The following ANK2 variants were observed in gnomAD, a reference collection of about 807,000 sequenced individuals.
ANK2 encodes the protein ankyrin 2, also known as ankyrin-2.
In ANK2, 83 loss-of-function variants were observed where a neutral mutation model predicts 360.5. That is an observed-to-expected ratio of 0.23 (90% CI 0.19 to 0.28). ANK2 has a LOEUF of 0.28. ANK2 is among the 10% of genes least tolerant of loss of function. The pLI is 1.00. For missense variants in ANK2, 4,201 were observed against 4,795.7 expected, an observed-to-expected ratio of 0.88 and a Z score of 3.66; for synonymous variants, 1,740 against 1,759.5, an observed-to-expected ratio of 0.99 and a Z score of 0.28.
chr4:113,265,779 T>C (rs745505654), intron 14 of ANK2, among the ~76,000 whole-genome samples: 42 of 152,328 alleles, frequency 2.8e-4, no homozygotes, highest in Middle Eastern at 3.4e-3. Context: ...ACTGACATCA[T>C]TGAGATTCTC....
Position 113,358,298 on chromosome 4 carries a change from C to T in ANK2, c.9680C>T (p.Thr3227Ile), listed in dbSNP as rs1280116634. ...AGTGTAGGGACCAAGGACCTCCCCA[C>T]CGTGCAAACGGGTGATATACCTCCT... is the stretch of plus-strand genomic sequence containing the variant. ...AVSVGTKDLP[T>I]VQTGDIPPLS... Residue 3227 changes from threonine (T) to isoleucine (I), a missense_variant, in exon 38 of 46, where the codon ACC becomes ATC. By Grantham distance (89) the Thr-to-Ile change is moderately conservative. Transcript: ENST00000357077. The T allele has an allele frequency of 1.9e-6, 3 of 1,613,516 alleles. No individual in the cohort carries two copies. The highest frequency in any genetic ancestry group is 2.5e-6 in the Non-Finnish European group (3 of 1,179,632).
In ANK2 at chr4:113,058,896, T is replaced by A. The variant is rs76537449; in HGVS notation, c.84+9084T>A. Among the ~76,000 whole-genome samples the A allele has an allele frequency of 2.4e-3, 364 of 152,248 alleles. 2 individuals carry two copies. Among genetic ancestry groups the A allele is most frequent in the African/African-American group, 8.0e-3 (332 of 41,556 alleles). On this transcript the variant is annotated intron_variant, in intron 1 of 45. Transcript: ENST00000357077. The stretch of plus-strand genomic sequence containing the variant: ...TAACAAAGTACCTTAGAGTGAGTAG[T>A]TTAAAAACAACAGAAATTTATTTCT...
chr4:113,186,249 C>A (rs1375382037), intron 2 of ANK2, among the ~76,000 whole-genome samples: 1 of 152,174 alleles, frequency 6.6e-6, no homozygotes, highest in African/African-American at 2.4e-5. Context: ...GCTGGTGATA[C>A]CCAGGCAAAC....
chr4:113,323,357 A>T (rs1225429054), intron 26 of ANK2, among the ~76,000 whole-genome samples: 3 of 152,206 alleles, frequency 2.0e-5, no homozygotes, highest in Admixed American at 6.5e-5. Flanking sequence ...TAGCCCAAAA[A>T]GTTATTATCA....
intron 9 of ANK2, among the ~76,000 whole-genome samples, chr4:113,243,376 G>T (rs946869492): frequency 1.3e-5 from 2 of 152,140 alleles, no homozygotes; most frequent in Admixed American, 6.5e-5. Flanking sequence ...AAACACTTTT[G>T]TTTAATAAAC....
At chr4:113,094,517 C>CGGT (rs2090097916) in intron 1 of ANK2, among the ~76,000 whole-genome samples, 1 of 149,474 alleles carries the variant, frequency 6.7e-6, no homozygotes. Flanking sequence ...GGGTGCAGCA[C>CGGT]GTGTGTGTGT....
chr4:112,853,932 T>C (rs1164212628), intron 1 of ANK2, among the ~76,000 whole-genome samples: 1 of 152,222 alleles, frequency 6.6e-6, no homozygotes. Context: ...CGTTTAATAA[T>C]CTCCAACTAC....
intron 21 of ANK2, 86 bp from the exon 22 acceptor site, chr4:113,293,354 T>G: frequency 8.6e-7 from 1 of 1,157,034 alleles, no homozygotes; most frequent in South Asian, 1.3e-5. Context: ...AAATGCTGGC[T>G]GATGCAGAGC....
intron 10 of ANK2, among the ~76,000 whole-genome samples, chr4:113,252,908 G>A (rs146664563): frequency 2.0e-5 from 3 of 152,178 alleles, no homozygotes; most frequent in South Asian, 2.1e-4. Context: ...TGGTAATGCT[G>A]CCTGACAATC....
chr4:113,250,755 G>GGCCCCCC (rs1554339959), intron 10 of ANK2, among the ~76,000 whole-genome samples: 1 of 60,400 alleles, frequency 1.7e-5, no homozygotes, highest in Non-Finnish European at 3.5e-5. Flanking sequence ...TCATACCACC[G>GGCCCCCC]CCCCCCCCCC....
At position 113,250,761 on chromosome 4, in the gene ANK2, C is replaced by CCCA. The variant is rs1554340231; in HGVS notation, c.990+901_990+902insACC. Among the ~76,000 whole-genome samples the CCCA allele has an allele frequency of 4.4e-5, 6 of 137,792 alleles. 1 individual carries two copies. Among genetic ancestry groups the CCCA allele is most frequent in the Non-Finnish European group, 9.7e-5 (6 of 61,978 alleles). The allele number at this position is 137,792 out of a possible 152,430, so 90.4% of individuals were successfully genotyped here. ...CATTCCACCTCATACCACCGCCCCC[C>CCCA]CCCCCGACAGAGTTGGTATCAACTA... is the stretch of plus-strand genomic sequence containing the variant. On this transcript the variant is annotated intron_variant, in intron 10 of 45. Transcript: ENST00000357077.
chr4:112,873,307 T>C (rs1051833219), intron 1 of ANK2, among the ~76,000 whole-genome samples: 2 of 151,790 alleles, frequency 1.3e-5, no homozygotes, highest in African/African-American at 4.8e-5. Context: ...TGTTAGGTTA[T>C]TGACCTAAGA....
At chr4:113,342,156 GA>G (rs1247848979) in intron 33 of ANK2, among the ~76,000 whole-genome samples, 3 of 152,082 alleles carry the variant, frequency 2.0e-5, no homozygotes, top group African/African-American at 7.2e-5. Context: ...ATTATTTGAG[GA>G]AAAATTATGA....
chr4:113,327,935 A>G (rs945127381), intron 26 of ANK2, among the ~76,000 whole-genome samples: 1 of 152,220 alleles, frequency 6.6e-6, no homozygotes, highest in African/African-American at 2.4e-5. Context: ...TGACACAATC[A>G]GGGCAAGTAA....
At chr4:113,021,041 A>C (rs2057949418) in intron 2 of ANK2, among the ~76,000 whole-genome samples, 1 of 152,162 alleles carries the variant, frequency 6.6e-6, no homozygotes, top group Admixed American at 6.5e-5. Flanking sequence ...TTAATTAATA[A>C]ATAATAACAG....
At chr4:112,953,799 A>G (rs546573965) in intron 2 of ANK2, among the ~76,000 whole-genome samples, 3 of 152,300 alleles carry the variant, frequency 2.0e-5, no homozygotes, top group Admixed American at 6.5e-5. Context: ...TGGTGGTTTA[A>G]TAAGCATCTC....
chr4:113,159,660 G>A (rs2097440818), intron 1 of ANK2, among the ~76,000 whole-genome samples: 1 of 151,780 alleles, frequency 6.6e-6, no homozygotes, highest in Admixed American at 6.6e-5. Context: ...CCAGGCTGGA[G>A]TGCAGTGGCA....
Position 113,288,368 on chromosome 4 carries a change from C to G in ANK2, c.2179-20C>G. 1 of 1,600,816 alleles carries G rather than the reference C, an allele frequency of 6.2e-7. No individual in the cohort carries two copies. The highest frequency in any genetic ancestry group is 8.6e-7 in the Non-Finnish European group (1 of 1,168,718). ...AAGTTTCTACTTTATCTATTTTTAA[C>G]TTTTTATTATTATTTACAGCTTGGT... On this transcript the variant is annotated intron_variant, in intron 19 of 45. Coordinates refer to ENST00000357077, the MANE Select transcript of ANK2 (RefSeq NM_001148.6).
At chr4:112,851,988 T>G (rs951729969) in intron 1 of ANK2, among the ~76,000 whole-genome samples, 2 of 152,224 alleles carry the variant, frequency 1.3e-5, no homozygotes, top group African/African-American at 4.8e-5. Context: ...CACAAACCTA[T>G]GATGAAGCCT....
Sources: allele counts gnomAD v4.1 joint callset (sites outside exome capture counted in the v4.1 genomes callset), GRCh38; gene constraint gnomAD v4.1.1; transcripts MANE v1.5; gene names NCBI Gene and HGNC (gene_info 2026-07-23, HGNC 2026-07-21).